NALF1: variants seen among roughly 807,000 people sequenced by gnomAD.
NALF1 encodes family with sequence similarity 155 member A.
In NALF1, 3 loss-of-function variants were observed where a neutral mutation model predicts 48.4. The ratio of observed to expected loss-of-function variants is 0.06; its 90% CI spans 0.03 to 0.16. The LOEUF (loss-of-function observed/expected upper bound fraction) is 0.16, where lower values mean the gene tolerates loss of function less well. Among genes scored for constraint, NALF1 ranks in the 10% least tolerant of loss-of-function variants. The pLI is 1.00. For synonymous variants in NALF1, 262 were observed against 245.7 expected (o/e 1.07, Z -0.62); for missense variants, 526 against 571.5 (o/e 0.92, Z 0.81).
intron 1 of NALF1, among the ~76,000 whole-genome samples, chr13:107,219,522 T>A (rs1879947104): frequency 6.6e-6 from 1 of 152,154 alleles, no homozygotes; most frequent in African/African-American, 2.4e-5. Context: ...AATCTAAGGA[T>A]ATAAAGGGAT....
chr13:107,680,178 G>T (rs1375174710), intron 1 of NALF1, among the ~76,000 whole-genome samples: 1 of 152,142 alleles, frequency 6.6e-6, no homozygotes, highest in African/African-American at 2.4e-5. Flanking sequence ...GCTTTCAAGA[G>T]GAGCCAATGT....
intron 1 of NALF1, among the ~76,000 whole-genome samples, chr13:107,363,909 T>C (rs1441817548): frequency 6.6e-6 from 1 of 152,196 alleles, no homozygotes; most frequent in Non-Finnish European, 1.5e-5. Context: ...GAGTGATTGA[T>C]AGGTAGCTTC....
chr13:107,661,825 C>CTACTCAGG (rs1880741297), intron 1 of NALF1, among the ~76,000 whole-genome samples: 1 of 151,914 alleles, frequency 6.6e-6, no homozygotes, highest in Non-Finnish European at 1.5e-5. Flanking sequence ...TATTTTAAGC[C>CTACTCAGG]TGATACTTAA....
chr13:107,751,334 A>C (rs1344882720), intron 1 of NALF1, among the ~76,000 whole-genome samples: 1 of 152,318 alleles, frequency 6.6e-6, no homozygotes, highest in East Asian at 1.9e-4. Context: ...AAAATAATGG[A>C]AAACTGACCT....
intron 1 of NALF1, among the ~76,000 whole-genome samples, chr13:107,260,834 G>C (rs1456269544): frequency 1.3e-5 from 2 of 152,142 alleles, no homozygotes; most frequent in African/African-American, 4.8e-5. Context: ...ATTACCCAGG[G>C]TTAAGGAGTT....
chr13:107,697,920 T>C (rs970906418), intron 1 of NALF1, among the ~76,000 whole-genome samples: 2 of 152,148 alleles, frequency 1.3e-5, no homozygotes, highest in Non-Finnish European at 2.9e-5. Context: ...GGGAAAGTTC[T>C]CCTCACCTCT....
Position 107,599,437 on chromosome 13 carries a change from A to T in NALF1, c.915+266245T>A, listed in dbSNP as rs797006041. Among the ~76,000 whole-genome samples, 236 of 151,486 alleles carry T rather than the reference A, an allele frequency of 1.6e-3. 1 individual carries two copies. Among genetic ancestry groups the T allele is most frequent in the African/African-American group, 4.3e-3 (176 of 41,174 alleles). On this transcript the variant is annotated intron_variant, in intron 1 of 2. Coordinates refer to ENST00000375915, the MANE Select transcript of NALF1 (RefSeq NM_001080396.3). ...ACTCCGTCTCAAAAAAAAAAAAAAA[A>T]AATAACATTATTAGGGTATGGTGTA...
At chr13:107,431,542 A>C (rs1479793598) in intron 1 of NALF1, among the ~76,000 whole-genome samples, 1 of 152,244 alleles carries the variant, frequency 6.6e-6, no homozygotes, top group Non-Finnish European at 1.5e-5. Context: ...ACGAGTGTTA[A>C]GTAGGACTGT....
chr13:107,266,952 C>A (rs951964533), intron 1 of NALF1, among the ~76,000 whole-genome samples: 5 of 152,098 alleles, frequency 3.3e-5, no homozygotes, highest in Non-Finnish European at 7.3e-5. Context: ...GTCTCTAGAA[C>A]TCAACCCACC....
At chr13:107,855,658 C>A (rs547872860) in intron 1 of NALF1, among the ~76,000 whole-genome samples, 1 of 152,248 alleles carries the variant, frequency 6.6e-6, no homozygotes, top group Admixed American at 6.5e-5. Context: ...GCACAGTGAG[C>A]AGTATAAGGT....
At chr13:107,176,641 CA>C (rs1047032141) in intron 2 of NALF1, among the ~76,000 whole-genome samples, 32 of 148,694 alleles carry the variant, frequency 2.2e-4, no homozygotes, top group Admixed American at 1.9e-3. Context: ...GACTCCATCT[CA>C]AAAAAAAATT....
intron 1 of NALF1, among the ~76,000 whole-genome samples, chr13:107,853,176 A>T (rs1880360640): frequency 6.6e-6 from 1 of 152,134 alleles, no homozygotes; most frequent in Non-Finnish European, 1.5e-5. Context: ...AATGTTCTCC[A>T]GTTGTAAAAG....
chr13:107,368,720 T>A (rs1883196422), intron 1 of NALF1, among the ~76,000 whole-genome samples: 1 of 152,192 alleles, frequency 6.6e-6, no homozygotes, highest in Admixed American at 6.5e-5. Flanking sequence ...CCATCCAGAA[T>A]AATCTACTCA....
chr13:107,409,018 A>AAGATAAACAT (rs1440971973), intron 1 of NALF1, among the ~76,000 whole-genome samples: 15 of 152,292 alleles, frequency 9.8e-5, no homozygotes, highest in African/African-American at 3.6e-4. Flanking sequence ...AAGAGCTTAA[A>AAGATAAACAT]AGATAAACAT....
At chr13:107,761,741 A>G (rs563373298) in intron 1 of NALF1, among the ~76,000 whole-genome samples, 1 of 152,326 alleles carries the variant, frequency 6.6e-6, no homozygotes, top group East Asian at 1.9e-4. Context: ...ACATCAAACA[A>G]TATTTCATAA....
At position 107,780,236 on chromosome 13, in the gene NALF1, T is replaced by C. The variant is rs577195159; in HGVS notation, c.915+85446A>G. Among the ~76,000 whole-genome samples the C allele has an allele frequency of 3.3e-5, 5 of 152,238 alleles. No homozygotes were observed. The South Asian group carries it at 1.0e-3, about 32-fold the overall frequency. On this transcript the variant is annotated intron_variant, in intron 1 of 2. Transcript: ENST00000375915. ...ATATGTGTGATCCTTTCACTATTTG[T>C]AGTTTGCCTTCCCTTCTTAATTTCC... is the stretch of plus-strand genomic sequence containing the variant.
intron 1 of NALF1, among the ~76,000 whole-genome samples, chr13:107,311,814 T>TG: frequency 2.6e-5 from 4 of 152,190 alleles, no homozygotes; most frequent in Admixed American, 2.6e-4. Context: ...AAAAGACACT[T>TG]GAAAAAATGC....
At chr13:107,805,426 T>C (rs996033351) in intron 1 of NALF1, among the ~76,000 whole-genome samples, 2 of 152,160 alleles carry the variant, frequency 1.3e-5, no homozygotes, top group Non-Finnish European at 2.9e-5. Flanking sequence ...GGAAGAAGCA[T>C]AGATGATATT....
chr13:107,703,525 T>C (rs565469485), intron 1 of NALF1, among the ~76,000 whole-genome samples: 3 of 152,090 alleles, frequency 2.0e-5, no homozygotes, highest in Non-Finnish European at 4.4e-5. Context: ...GGCTAATTTA[T>C]TGTATTTTTA....
Sources: allele counts gnomAD v4.1 joint callset (sites outside exome capture counted in the v4.1 genomes callset), GRCh38; gene constraint gnomAD v4.1.1; transcripts MANE v1.5; gene names NCBI Gene and HGNC (gene_info 2026-07-23, HGNC 2026-07-21).